Variants in CCKAR observed in about 807,000 individuals in gnomAD.
The protein encoded by CCKAR is cholecystokinin receptor type A.
CCKAR carries 21 observed loss-of-function variants against 29.8 expected under a neutral mutation model. That is an observed-to-expected ratio of 0.70 (90% CI 0.50 to 1.01). CCKAR has a LOEUF of 1.01. Ranked by LOEUF, CCKAR falls within the 50% of genes least tolerant of loss-of-function variation. CCKAR has a pLI of 0.00. For synonymous variants in CCKAR, 238 were observed against 221.3 expected, an observed-to-expected ratio of 1.08 and a Z score of -0.67; for missense variants, 570 against 560.6, an observed-to-expected ratio of 1.02 and a Z score of -0.17.
chr4:26,482,868 A>G (rs1439024366), intron 4 of CCKAR, among the ~76,000 whole-genome samples: 1 of 152,230 alleles, frequency 6.6e-6, no homozygotes, highest in Non-Finnish European at 1.5e-5. Context: ...CTGTTTGAAT[A>G]CAGCACTACA....
chr4:26,483,015 G>A (rs1737382544), intron 4 of CCKAR, 141 bp downstream of exon 4: 6 of 782,528 alleles, frequency 7.7e-6, no homozygotes, highest in African/African-American at 1.7e-5. Context: ...CCGTGACTGT[G>A]CTTCTTGACA....
chr4:26,485,972 A>G (rs1560369182), intron 2 of CCKAR, 74 bp from the exon 3 acceptor site: 4 of 1,345,562 alleles, frequency 3.0e-6, no homozygotes, highest in Non-Finnish European at 4.1e-6. Context: ...GCTTGAATAT[A>G]TCTGATCTGC....
chr4:26,484,033 G>T (rs1164264629), intron 3 of CCKAR, among the ~76,000 whole-genome samples: 1 of 152,196 alleles, frequency 6.6e-6, no homozygotes. Context: ...ACCCTGTGAG[G>T]CTAGCATAGT....
chr4:26,486,177 G>A (rs1478036109), intron 2 of CCKAR, among the ~76,000 whole-genome samples: 1 of 152,108 alleles, frequency 6.6e-6, no homozygotes, highest in Non-Finnish European at 1.5e-5. Flanking sequence ...ACCTGCTTAG[G>A]CTCAAGGTGC....
intron 3 of CCKAR, 115 bp from the exon 4 acceptor site, chr4:26,483,398 A>G (rs567359928): frequency 5.4e-6 from 5 of 933,830 alleles, no homozygotes; most frequent in East Asian, 5.1e-5. Flanking sequence ...CACATTAATT[A>G]CTAGTATTTA....
At chr4:26,482,549 C>T (rs976300641) in intron 4 of CCKAR, among the ~76,000 whole-genome samples, 1 of 152,048 alleles carries the variant, frequency 6.6e-6, no homozygotes, top group Non-Finnish European at 1.5e-5. Flanking sequence ...AGAAAAAATC[C>T]CATGAAAACC....
chr4:26,485,915 G>T lies in CCKAR; in HGVS notation c.365-17C>A. ...CAGAGGTGCCTGGGAAAGGAACAAA[G>T]AAGCCGGTTATGTTGACTCTGAAAT... On this transcript the variant is annotated splice_polypyrimidine_tract_variant and intron_variant, in intron 2 of 4. Coordinates refer to ENST00000295589, the MANE Select transcript of CCKAR (RefSeq NM_000730.3). The T allele has an allele frequency of 6.2e-7, 1 of 1,608,612 alleles. No homozygotes were observed. Among genetic ancestry groups the T allele is most frequent in the Non-Finnish European group, 8.5e-7 (1 of 1,176,360 alleles).
Position 26,481,454 on chromosome 4 carries a change from C to T in CCKAR, c.*184G>A. The T allele has an allele frequency of 1.5e-6, 1 of 661,386 alleles. No homozygotes were observed. The highest frequency in any genetic ancestry group is 2.6e-6 in the Non-Finnish European group (1 of 386,330). 41.0% of individuals were successfully genotyped at this position (661,386 alleles called of 1,614,324 possible). On this transcript the variant is annotated 3_prime_UTR_variant, in exon 5 of 5. Coordinates refer to ENST00000295589, the MANE Select transcript of CCKAR (RefSeq NM_000730.3). The stretch of plus-strand genomic sequence containing the variant: ...TGAACTGCCTAGAAACCAATCATGG[C>T]CCCACTGGAGCAGTGCTCTGGAATC...
Position 26,481,484 on chromosome 4 carries a change from TGAAG to T in CCKAR, c.*150_*153del. ...CTGGAGCAGTGCTCTGGAATCCAGA[TGAAG>T]GATGAAAAGCAGACCTTGAAGAGTT... is the stretch of plus-strand genomic sequence containing the variant. On this transcript the variant is annotated 3_prime_UTR_variant, in exon 5 of 5. Coordinates refer to ENST00000295589, the MANE Select transcript of CCKAR (RefSeq NM_000730.3). The T allele has an allele frequency of 1.2e-6, 1 of 800,372 alleles. No individual in the cohort carries two copies. The highest frequency in any genetic ancestry group is 2.0e-6 in the Non-Finnish European group (1 of 495,926). 49.6% of individuals were successfully genotyped at this position (800,372 alleles called of 1,614,324 possible).
chr4:26,488,388 T>TC (rs1000882061), intron 2 of CCKAR, among the ~76,000 whole-genome samples: 1 of 152,204 alleles, frequency 6.6e-6, no homozygotes, highest in African/African-American at 2.4e-5. Context: ...TGCCTCTGTT[T>TC]CCTCCTTAGG....
Position 26,482,011 on chromosome 4 carries a change from A to G in CCKAR, c.914T>C (p.Leu305Pro), listed in dbSNP as rs1484807229. 1 of 1,614,230 alleles carries G rather than the reference A, an allele frequency of 6.2e-7. No homozygotes were observed. Among genetic ancestry groups the G allele is most frequent in the Non-Finnish European group, 8.5e-7 (1 of 1,180,034 alleles). ...RIRSNSSAANLMAKKRVIRML... is the reference protein window; with the variant it reads ...RIRSNSSAANPMAKKRVIRML... ...GCGGATCACCCTTTTCTTGGCCATC[A>G]GGTTGGCTGCGGAGCTGTTACTCCG... is the stretch of plus-strand genomic sequence containing the variant. The change falls in exon 5 of 5, where the codon CTG becomes CCG. Residue 305 changes from leucine to proline, a missense_variant. Transcript: ENST00000295589.
intron 1 of CCKAR, 52 bp from the exon 2 acceptor site, chr4:26,489,536 A>G: frequency 6.3e-7 from 1 of 1,597,850 alleles, no homozygotes; most frequent in Non-Finnish European, 8.6e-7. Flanking sequence ...TGACAGCAGA[A>G]TGCTAAAACC....
chr4:26,490,309 A>G lies in CCKAR; in HGVS notation c.-42T>C, dbSNP rs1395421681. 1.5e-6 allele frequency: 2 copies of G among 1,307,942 alleles called. No individual in the cohort carries two copies. Among genetic ancestry groups the G allele is most frequent in the African/African-American group, 1.5e-5 (1 of 68,956 alleles). 81.0% of individuals were successfully genotyped at this position (1,307,942 alleles called of 1,614,324 possible). On this transcript the variant is annotated 5_prime_UTR_variant, in exon 1 of 5. Transcript: ENST00000295589. Reference sequence around the variant, plus strand: ...CCACCAAGTGCTGGAGAGCTGGTGAATTGCTCACTCCCGGCTCATTCCTCT... The same window carrying G: ...CCACCAAGTGCTGGAGAGCTGGTGAGTTGCTCACTCCCGGCTCATTCCTCT...
At position 26,489,269 on chromosome 4, in the gene CCKAR, C is replaced by T. The variant is rs764199682; in HGVS notation, c.328G>A (p.Gly110Arg). Residue 110 changes from glycine (G) to arginine (R), a missense_variant, in exon 2 of 5, where the codon GGG becomes AGG. Coordinates refer to ENST00000295589, the MANE Select transcript of CCKAR (RefSeq NM_000730.3). ...GTGGTGGTCTTGCAAACGGCGCTCC[C>T]GAAGATGAAATCCTTGAGCAGATTG... ...IPNLLKDFIF[G>R]SAVCKTTTYF... The T allele has an allele frequency of 1.2e-6, 2 of 1,613,996 alleles. No individual in the cohort carries two copies. Among genetic ancestry groups the T allele is most frequent in the Admixed American group, 1.7e-5 (1 of 60,000 alleles).
Position 26,485,672 on chromosome 4 carries a change from G to C in CCKAR, c.591C>G (p.Arg197=). Residue 197 remains arginine (R), a synonymous_variant, in exon 3 of 5, where the codon CGC becomes CGG. Coordinates refer to ENST00000295589, the MANE Select transcript of CCKAR (RefSeq NM_000730.3). ...KNNNQTANMC[R]FLLPNDVMQQ... ...GCATAACATCATTTGGCAGTAGAAA[G>C]CGGCACATATTCGCGGTCTGGTTGT... 6.2e-7 allele frequency: 1 copy of C among 1,614,198 alleles called. No homozygotes were observed. The highest frequency in any genetic ancestry group is 8.5e-7 in the Non-Finnish European group (1 of 1,180,038).
At position 26,486,700 on chromosome 4, in the gene CCKAR, G is replaced by T. The variant is rs140763171; in HGVS notation, c.365-802C>A. Reference sequence around the variant, plus strand: ...AGTCCGAGGCAGGCAGATCACTTGAGGTCAGGAGCTTGAGACCAGCCTGGC... The same window carrying T: ...AGTCCGAGGCAGGCAGATCACTTGATGTCAGGAGCTTGAGACCAGCCTGGC... On this transcript the variant is annotated intron_variant, in intron 2 of 4. Transcript: ENST00000295589. Among the ~76,000 whole-genome samples, 401 of 152,260 alleles carry T rather than the reference G, an allele frequency of 2.6e-3. 2 individuals are homozygous for T. The highest frequency in any genetic ancestry group is 4.5e-3 in the Non-Finnish European group (303 of 68,024).
intron 4 of CCKAR, 109 bp downstream of exon 4, chr4:26,483,047 A>C: frequency 1.8e-6 from 2 of 1,127,780 alleles, no homozygotes; most frequent in East Asian, 2.4e-5. Context: ...AAGAATACTT[A>C]AAAGCTTTTC....
rs1332889950 is a variant in CCKAR, at chr4:26,489,431, C to T, written c.166G>A (p.Val56Met). The change falls in exon 2 of 5, where the codon GTG becomes ATG. Residue 56 changes from valine to methionine, a missense_variant. Physicochemically the swap from Val to Met is conservative, Grantham distance 21. Transcript: ENST00000295589. ...LLYSLIFLLS[V>M]LGNTLVITVL... is the part of the protein sequence containing the mutation. ...GTGATGACCAGCGTGTTTCCCAGCA[C>T]GCTGAGCAGGAATATCAAGGAGTAC... 3.7e-6 allele frequency: 6 copies of T among 1,614,142 alleles called. No individual in the cohort carries two copies. Among genetic ancestry groups the T allele is most frequent in the African/African-American group, 1.3e-5 (1 of 75,038 alleles).
chr4:26,489,444 T>A lies in CCKAR; in HGVS notation c.153A>T (p.Ile51=), dbSNP rs2109881595. 1 of 1,614,056 alleles carries A rather than the reference T, an allele frequency of 6.2e-7. No individual in the cohort carries two copies. The highest frequency in any genetic ancestry group is 2.2e-5 in the East Asian group (1 of 44,868). ...PAVQILLYSL[I]FLLSVLGNTL... ...TGTTTCCCAGCACGCTGAGCAGGAA[T>A]ATCAAGGAGTACAAGAGAATCTGCA... is the stretch of plus-strand genomic sequence containing the variant. The change falls in exon 2 of 5, where the codon ATA becomes ATT. Residue 51 remains isoleucine (I), a synonymous_variant. Coordinates refer to ENST00000295589, the MANE Select transcript of CCKAR (RefSeq NM_000730.3).
Sources: allele counts gnomAD v4.1 joint callset (sites outside exome capture counted in the v4.1 genomes callset), GRCh38; gene constraint gnomAD v4.1.1; transcripts MANE v1.5; gene names NCBI Gene and HGNC (gene_info 2026-07-23, HGNC 2026-07-21).